Variants in GALNTL6 observed in about 807,000 individuals in gnomAD.
The protein encoded by GALNTL6 is polypeptide N-acetylgalactosaminyltransferase-like 6.
In GALNTL6, 46 loss-of-function variants were observed where a neutral mutation model predicts 73.7. The observed-to-expected ratio is 0.62, with a 90% CI of 0.49 to 0.80. GALNTL6 has a LOEUF of 0.80. Among genes scored for constraint, GALNTL6 ranks in the 30% least tolerant of loss-of-function variants. The pLI is 0.00. For missense variants in GALNTL6, 604 were observed against 755.0 expected, an observed-to-expected ratio of 0.80 and a Z score of 2.34; for synonymous variants, 259 against 263.7, an observed-to-expected ratio of 0.98 and a Z score of 0.17.
intron 2 of GALNTL6, among the ~76,000 whole-genome samples, chr4:172,120,240 A>G (rs1348671640): frequency 6.6e-6 from 1 of 152,168 alleles, no homozygotes; most frequent in Admixed American, 6.5e-5. Flanking sequence ...GTAACAAACT[A>G]TCACAAACTT....
At chr4:172,791,865 A>C (rs1740011692) in intron 5 of GALNTL6, among the ~76,000 whole-genome samples, 1 of 152,244 alleles carries the variant, frequency 6.6e-6, no homozygotes, top group African/African-American at 2.4e-5. Flanking sequence ...AAAACAGCCC[A>C]GCAAAAGAAA....
intron 5 of GALNTL6, among the ~76,000 whole-genome samples, chr4:172,766,103 G>A (rs940431157): frequency 1.3e-5 from 2 of 152,064 alleles, no homozygotes; most frequent in African/African-American, 4.8e-5. Context: ...TAAAGAGTCG[G>A]GCAAATGGAA....
intron 5 of GALNTL6, among the ~76,000 whole-genome samples, chr4:172,358,548 A>G (rs910553114): frequency 2.0e-5 from 3 of 152,122 alleles, no homozygotes; most frequent in African/African-American, 7.2e-5. Flanking sequence ...CTCATCAGCT[A>G]TTATTAGTGT....
At chr4:171,881,598 TTTG>T (rs2110912310) in intron 2 of GALNTL6, among the ~76,000 whole-genome samples, 1 of 152,336 alleles carries the variant, frequency 6.6e-6, no homozygotes, top group Non-Finnish European at 1.5e-5. Flanking sequence ...GGATCAATAC[TTTG>T]TATCTTTCAA....
chr4:172,984,693 G>C (rs1249135761), intron 10 of GALNTL6, among the ~76,000 whole-genome samples: 1 of 152,172 alleles, frequency 6.6e-6, no homozygotes, highest in Admixed American at 6.5e-5. Context: ...GACAGGATCA[G>C]TAGAAGCCCA....
chr4:172,051,887 C>T (rs755155411), intron 2 of GALNTL6, among the ~76,000 whole-genome samples: 35 of 152,082 alleles, frequency 2.3e-4, no homozygotes, highest in Admixed American at 1.1e-3. Flanking sequence ...ACTGACAAAG[C>T]AAATAAAGGC....
At chr4:172,200,315 A>G (rs1735912029) in intron 2 of GALNTL6, among the ~76,000 whole-genome samples, 1 of 152,150 alleles carries the variant, frequency 6.6e-6, no homozygotes, top group East Asian at 1.9e-4. Context: ...TTAAAGTTGG[A>G]GTTTTAGGAC....
intron 5 of GALNTL6, among the ~76,000 whole-genome samples, chr4:172,368,167 T>C (rs1468202861): frequency 2.0e-5 from 3 of 152,094 alleles, no homozygotes; most frequent in African/African-American, 7.2e-5. Context: ...ACTGATGAGA[T>C]CAGGAGTTCA....
At chr4:172,207,181 A>G (rs1736166572) in intron 2 of GALNTL6, among the ~76,000 whole-genome samples, 1 of 152,126 alleles carries the variant, frequency 6.6e-6, no homozygotes, top group Non-Finnish European at 1.5e-5. Context: ...CAAATCATAC[A>G]GGGTCTCCTA....
intron 5 of GALNTL6, among the ~76,000 whole-genome samples, chr4:172,492,384 T>G (rs1408345379): frequency 6.6e-6 from 1 of 152,144 alleles, no homozygotes; most frequent in Non-Finnish European, 1.5e-5. Flanking sequence ...AAATCCAATT[T>G]ATCTCTATAT....
chr4:172,808,874 G>A (rs1474999341), intron 5 of GALNTL6, among the ~76,000 whole-genome samples: 1 of 152,066 alleles, frequency 6.6e-6, no homozygotes. Context: ...TTAACTTCTG[G>A]GGGAAAAAAT....
intron 5 of GALNTL6, among the ~76,000 whole-genome samples, chr4:172,476,117 T>C (rs975272914): frequency 3.3e-5 from 5 of 152,214 alleles, no homozygotes; most frequent in Admixed American, 2.6e-4. Context: ...TCTTGGTCCA[T>C]TCCAGATGCT....
At chr4:172,521,577 C>G (rs1411795139) in intron 5 of GALNTL6, among the ~76,000 whole-genome samples, 1 of 152,170 alleles carries the variant, frequency 6.6e-6, no homozygotes, top group African/African-American at 2.4e-5. Flanking sequence ...ATTCTACTTT[C>G]ATTCCAGGAA....
chr4:171,882,178 A>C (rs1303458976), intron 2 of GALNTL6, among the ~76,000 whole-genome samples: 1 of 152,074 alleles, frequency 6.6e-6, no homozygotes, highest in Non-Finnish European at 1.5e-5. Context: ...AAATACATTC[A>C]ATGTTATTTC....
rs552042749 is a variant in GALNTL6 at position 171,910,340 on chromosome 4, A to G, written c.138+95622A>G. ...CCACAGGGGAGAAACATGTCACACA[A>G]TGGCAAAGTAGAATCAGGCAAACAG... On this transcript the variant is annotated intron_variant, in intron 2 of 12. Coordinates refer to ENST00000506823, the MANE Select transcript of GALNTL6 (RefSeq NM_001034845.3). 4.5e-4 allele frequency among the ~76,000 whole-genome samples: 69 copies of G among 152,226 alleles called. No individual in the cohort carries two copies. In the South Asian group the frequency reaches 0.014, roughly 31 times the overall value.
chr4:172,944,705 A>G (rs1173503856), intron 9 of GALNTL6, among the ~76,000 whole-genome samples: 1 of 152,234 alleles, frequency 6.6e-6, no homozygotes, highest in Non-Finnish European at 1.5e-5. Context: ...AAACAACCCA[A>G]GTGTTCATCA....
chr4:172,617,625 C>T (rs565195059), intron 5 of GALNTL6, among the ~76,000 whole-genome samples: 4 of 151,820 alleles, frequency 2.6e-5, no homozygotes, highest in Middle Eastern at 3.4e-3. Context: ...TACAGGCGCC[C>T]GCCACCACGC....
intron 7 of GALNTL6, among the ~76,000 whole-genome samples, chr4:172,825,083 TTTC>T (rs1742178709): frequency 2.7e-5 from 1 of 37,400 alleles, no homozygotes; most frequent in Non-Finnish European, 5.2e-5. Flanking sequence ...TTATCTTTTC[TTTC>T]TTTCTTTCTT....
At chr4:172,541,211 T>A (rs1735539836) in intron 5 of GALNTL6, among the ~76,000 whole-genome samples, 1 of 152,212 alleles carries the variant, frequency 6.6e-6, no homozygotes, top group Non-Finnish European at 1.5e-5. Context: ...AGGGTACAAC[T>A]TAAACCTGGC....
Sources: allele counts gnomAD v4.1 joint callset (sites outside exome capture counted in the v4.1 genomes callset), GRCh38; gene constraint gnomAD v4.1.1; transcripts MANE v1.5; gene names NCBI Gene and HGNC (gene_info 2026-07-23, HGNC 2026-07-21).